Variants in ADCY7 observed in about 807,000 individuals in gnomAD.
ADCY7 encodes adenylate cyclase 7, also known as adenylate cyclase type 7.
ADCY7 carries 72 observed loss-of-function variants against 120.6 expected under a neutral mutation model. That is an observed-to-expected ratio of 0.60 (90% CI 0.49 to 0.73). The LOEUF (loss-of-function observed/expected upper bound fraction) is 0.73. Ranked by LOEUF, ADCY7 falls within the 30% of genes least tolerant of loss-of-function variation. The probability of loss-of-function intolerance (pLI) is 0.00; values close to 1 mark genes in which losing one functional copy is unlikely to be tolerated. For synonymous variants in ADCY7, 661 were observed against 628.0 expected (o/e 1.05, Z -0.78); for missense variants, 1,227 against 1,486.0 (o/e 0.83, Z 2.87).
chr16:50,310,263 C>A (rs1381095659), intron 18 of ADCY7, among the ~76,000 whole-genome samples: 1 of 152,098 alleles, frequency 6.6e-6, no homozygotes, highest in Non-Finnish European at 1.5e-5. Flanking sequence ...CAGGCTTGAT[C>A]CAGACTGGGA....
At chr16:50,266,833 T>A (rs1351684084) in intron 1 of ADCY7, among the ~76,000 whole-genome samples, 153 bp downstream of exon 1, 1 of 152,104 alleles carries the variant, frequency 6.6e-6, no homozygotes, top group Non-Finnish European at 1.5e-5. Context: ...GGAGGCTCCG[T>A]GAGCCTACTG....
Position 50,300,784 on chromosome 16 carries a change from C to A in ADCY7, c.1146C>A (p.Cys382Ter). The change falls in exon 9 of 26, where the codon TGC becomes TGA. Residue 382 changes from cysteine (C) to a stop codon, truncating the protein, a stop_gained. Transcript: ENST00000673801. LOFTEE classifies it high-confidence loss of function. Reference sequence around the variant, plus strand: ...GCATACACTCGGGGAATGTGCTGTGCGGGGTCATCGGGCTGCGCAAGTGGC... The same window carrying A: ...GCATACACTCGGGGAATGTGCTGTGAGGGGTCATCGGGCTGCGCAAGTGGC... ...RVGIHSGNVL[C>*]GVIGLRKWQY... The A allele has an allele frequency of 6.4e-7, 1 of 1,553,714 alleles. No individual in the cohort carries two copies. The highest frequency in any genetic ancestry group is 8.7e-7 in the Non-Finnish European group (1 of 1,148,156).
At chr16:50,253,672 T>C (rs760626140) in intron 1 of ADCY7, among the ~76,000 whole-genome samples, 6 of 152,148 alleles carry the variant, frequency 3.9e-5, no homozygotes, top group Admixed American at 2.0e-4. Context: ...GCCCACTCTT[T>C]TGTGGTCAGA....
chr16:50,277,118 T>C (rs932477700), intron 1 of ADCY7, among the ~76,000 whole-genome samples: 5 of 152,214 alleles, frequency 3.3e-5, no homozygotes, highest in Non-Finnish European at 7.3e-5. Context: ...GGATACCCTG[T>C]GACGTTAGTT....
intron 8 of ADCY7, among the ~76,000 whole-genome samples, chr16:50,299,627 G>T (rs963589180): frequency 2.6e-5 from 4 of 152,244 alleles, no homozygotes; most frequent in African/African-American, 9.6e-5. Flanking sequence ...ATCAGGCCGT[G>T]TTCCAGCCTG....
At chr16:50,301,049 C>T in intron 9 of ADCY7, 33 bp from the exon 10 acceptor site, 1 of 1,608,234 alleles carries the variant, frequency 6.2e-7, no homozygotes, top group Non-Finnish European at 8.5e-7. Context: ...CTCTCTGGGC[C>T]CCAAGGCTCT....
chr16:50,318,063 C>CTGTT lies in ADCY7; in HGVS notation c.*2560_*2563dup. On this transcript the variant is annotated 3_prime_UTR_variant, in exon 26 of 26. Transcript: ENST00000673801. ...GATCTGTAACATTTGTTTCAAAATGCTGTTTCATTTTTATAAAGTACCAGT... is the reference window on the plus strand; with the variant it reads ...GATCTGTAACATTTGTTTCAAAATGCTGTTTGTTTCATTTTTATAAAGTACCAGT... The CTGTT allele has an allele frequency of 6.6e-6, 1 of 152,338 alleles. No homozygotes were observed. The highest frequency in any genetic ancestry group is 2.4e-5 in the African/African-American group (1 of 41,550). 9.4% of individuals were successfully genotyped at this position (152,338 alleles called of 1,614,324 possible). A position where few individuals can be genotyped will look rare whatever the true frequency, so the allele number is the denominator to read the frequency against.
intron 21 of ADCY7, among the ~76,000 whole-genome samples, chr16:50,312,393 T>C (rs532771788): frequency 3.3e-5 from 5 of 152,300 alleles, no homozygotes; most frequent in Admixed American, 2.6e-4. Flanking sequence ...AGTGTGGTCG[T>C]GAACAAGGCA....
At chr16:50,291,214 T>C (rs2034933418) in intron 3 of ADCY7, among the ~76,000 whole-genome samples, 1 of 152,198 alleles carries the variant, frequency 6.6e-6, no homozygotes, top group African/African-American at 2.4e-5. Context: ...CTGGGTCCTA[T>C]GACAGCTCCT....
intron 1 of ADCY7, among the ~76,000 whole-genome samples, chr16:50,278,518 G>T (rs2034045526): frequency 2.0e-5 from 3 of 152,148 alleles, no homozygotes. Context: ...TCTGTCACGT[G>T]TCTTTTGATT....
In ADCY7 at chr16:50,315,123, A is replaced by C. The variant is rs1192911056; in HGVS notation, c.3081A>C (p.Glu1027Asp). The change falls in exon 25 of 26, where the codon GAA becomes GAC. Residue 1027 changes from glutamate (E) to aspartate (D), a missense_variant. Around this residue, in one of 5 missense-constraint regions of ADCY7, gnomAD observed 244 missense variants for 332.8 expected, o/e 0.73. Transcript: ENST00000673801. ...CCAGCCGAATGGAAAGCACTGGAGA[A>C]CTTGGGAAAATCCAGGTAAAGACCT... ...NVASRMESTGELGKIQVTEET... is the reference protein window; with the variant it reads ...NVASRMESTGDLGKIQVTEET... 1 of 1,614,166 alleles carries C rather than the reference A, an allele frequency of 6.2e-7. No homozygotes were observed.
intron 1 of ADCY7, among the ~76,000 whole-genome samples, chr16:50,279,094 A>C (rs1398453643): frequency 6.6e-6 from 1 of 151,912 alleles, no homozygotes; most frequent in African/African-American, 2.4e-5. Flanking sequence ...CTGGTCTCGA[A>C]CTCCTGGCCT....
chr16:50,293,427 A>T lies in ADCY7; in HGVS notation c.761A>T (p.Lys254Met). 1.2e-6 allele frequency: 2 copies of T among 1,614,090 alleles called. No individual in the cohort carries two copies. Among genetic ancestry groups the T allele is most frequent in the Non-Finnish European group, 1.7e-6 (2 of 1,180,032 alleles). The part of the protein sequence containing the change: ...GMKLAIIERL[K>M]EHGDRRCMPD... ...AAGCTGGCCATCATCGAACGGCTCA[A>T]GGAGCATGGTGACCGTCGCTGCATG... The change falls in exon 6 of 26, where the codon AAG becomes ATG. Residue 254 changes from lysine (K) to methionine (M), a missense_variant. Transcript: ENST00000673801.
chr16:50,301,704 G>A, intron 10 of ADCY7: 1 of 164,050 alleles, frequency 6.1e-6, no homozygotes, highest in Non-Finnish European at 1.3e-5. Context: ...GGTGGAGGAG[G>A]CAGTTCCACT....
At chr16:50,311,908 G>A in intron 20 of ADCY7, 122 bp downstream of exon 20, 1 of 1,477,204 alleles carries the variant, frequency 6.8e-7, no homozygotes, top group East Asian at 2.3e-5. Flanking sequence ...AGTCCTGCCA[G>A]GAAAGCACTG....
At chr16:50,256,520 T>C (rs1415363932) in intron 1 of ADCY7, among the ~76,000 whole-genome samples, 1 of 151,926 alleles carries the variant, frequency 6.6e-6, no homozygotes, top group Non-Finnish European at 1.5e-5. Flanking sequence ...CTGGGCAACA[T>C]AGGGAGAACC....
intron 1 of ADCY7, among the ~76,000 whole-genome samples, chr16:50,254,981 C>G (rs1429017879): frequency 6.6e-6 from 1 of 152,006 alleles, no homozygotes; most frequent in Non-Finnish European, 1.5e-5. Context: ...TAGCATTGTA[C>G]TGGCATAAAA....
chr16:50,282,341 G>A (rs2034325094), intron 1 of ADCY7, among the ~76,000 whole-genome samples: 1 of 152,252 alleles, frequency 6.6e-6, no homozygotes, highest in African/African-American at 2.4e-5. Flanking sequence ...TGCAGTTGCA[G>A]TATGGAGTCC....
upstream of ADCY7, among the ~76,000 whole-genome samples, chr16:50,261,675 T>C (rs2033061565): frequency 6.6e-6 from 1 of 152,132 alleles, no homozygotes; most frequent in Admixed American, 6.5e-5. Context: ...TCTCCTGACT[T>C]TACAGAGGGA....
Sources: gnomAD v4.1 joint callset for allele counts (sites outside exome capture counted in the v4.1 genomes callset) on GRCh38, gnomAD v4.1.1 for gene constraint, gnomAD v4.1.1 regional missense constraint, MANE v1.5 for transcripts, NCBI Gene and HGNC (gene_info 2026-07-23, HGNC 2026-07-21) for gene names.